PCDHA13: variants seen among roughly 807,000 people sequenced by gnomAD.
PCDHA13 encodes protocadherin alpha 13.
Under a neutral mutation model 64.8 loss-of-function variants are expected in PCDHA13, and 54 were observed. The ratio of observed to expected loss-of-function variants is 0.83; its 90% confidence interval spans 0.67 to 1.04. PCDHA13 has a LOEUF of 1.04. PCDHA13 is among the 50% of genes least tolerant of loss of function. PCDHA13 has a pLI of 0.00. For missense variants in PCDHA13, 1,248 were observed against 1,254.3 expected (o/e 0.99, Z 0.08); for synonymous variants, 587 against 564.4 (o/e 1.04, Z -0.57).
intron 1 of PCDHA13, among the ~76,000 whole-genome samples, chr5:140,946,661 G>C (rs2094005923): frequency 7.6e-6 from 1 of 132,422 alleles, no homozygotes; most frequent in Non-Finnish European, 1.6e-5. Flanking sequence ...CCATTAGAAA[G>C]AATGAAATCC....
At chr5:140,907,882 G>A (rs895415928) in intron 1 of PCDHA13, among the ~76,000 whole-genome samples, 1 of 152,168 alleles carries the variant, frequency 6.6e-6, no homozygotes, top group African/African-American at 2.4e-5. Flanking sequence ...GCACTCACAT[G>A]GGATACAAAT....
intron 1 of PCDHA13, among the ~76,000 whole-genome samples, chr5:140,922,508 C>A (rs2080871857): frequency 6.6e-6 from 1 of 152,090 alleles, no homozygotes; most frequent in African/African-American, 2.4e-5. Flanking sequence ...GCAGATGCAC[C>A]ATTATTTCAA....
At chr5:140,995,168 A>G (rs1554254492) in intron 3 of PCDHA13, among the ~76,000 whole-genome samples, 1 of 152,186 alleles carries the variant, frequency 6.6e-6, no homozygotes. Context: ...ATGTTCTTTC[A>G]TAGGTGCACC....
Position 140,883,662 on chromosome 5 carries a change from A to G in PCDHA13, c.1394A>G (p.Lys465Arg), listed in dbSNP as rs371713279. 3 of 1,613,586 alleles carry G rather than the reference A, an allele frequency of 1.9e-6. No homozygotes were observed. Among genetic ancestry groups the G allele is most frequent in the Non-Finnish European group, 2.5e-6 (3 of 1,179,852 alleles). ...FAQPEYTVFV[K>R]ENNPPGCHIF... Reference sequence around the variant, plus strand: ...CAGCCCGAGTACACGGTGTTCGTGAAGGAAAACAATCCGCCGGGCTGCCAC... The same window carrying G: ...CAGCCCGAGTACACGGTGTTCGTGAGGGAAAACAATCCGCCGGGCTGCCAC... The change falls in exon 1 of 4, where the codon AAG becomes AGG. Residue 465 changes from lysine (K) to arginine (R), a missense_variant. Coordinates refer to ENST00000289272, the MANE Select transcript of PCDHA13 (RefSeq NM_018904.3).
intron 3 of PCDHA13, among the ~76,000 whole-genome samples, chr5:140,987,959 C>T (rs1222591572): frequency 1.3e-5 from 2 of 152,132 alleles, no homozygotes; most frequent in South Asian, 2.1e-4. Context: ...AAACCAACTC[C>T]CCATGGAAAG....
At chr5:140,943,670 G>A (rs1161487572) in intron 1 of PCDHA13, among the ~76,000 whole-genome samples, 1 of 152,036 alleles carries the variant, frequency 6.6e-6, no homozygotes, top group Non-Finnish European at 1.5e-5. Flanking sequence ...TGTATAAAGT[G>A]TGAAAAAAAG....
intron 1 of PCDHA13, among the ~76,000 whole-genome samples, chr5:140,891,762 G>C (rs554912268): frequency 1.5e-3 from 234 of 152,268 alleles, no homozygotes; most frequent in African/African-American, 4.9e-3. Context: ...GTTGGGAGGT[G>C]GGGAATTTCA....
At chr5:140,926,731 G>C (rs1282301090) in intron 1 of PCDHA13, 9 of 1,104,780 alleles carry the variant, frequency 8.1e-6, no homozygotes, top group Middle Eastern at 3.2e-4. Flanking sequence ...GCCGGCGTTC[G>C]GGAGGCGCAA....
chr5:140,884,733 T>A (rs782206169), intron 1 of PCDHA13, 71 bp downstream of exon 1: 2 of 1,448,004 alleles, frequency 1.4e-6, no homozygotes, highest in African/African-American at 1.4e-5. Flanking sequence ...GTTTAAGACA[T>A]CTTTCCTGCC....
chr5:140,943,321 G>A (rs1012061757), intron 1 of PCDHA13, among the ~76,000 whole-genome samples: 4 of 150,454 alleles, frequency 2.7e-5, no homozygotes, highest in Non-Finnish European at 5.9e-5. Context: ...TAGCAATATT[G>A]TGTAGTATCC....
chr5:140,955,998 G>A (rs1194688184), intron 1 of PCDHA13, among the ~76,000 whole-genome samples: 1 of 152,174 alleles, frequency 6.6e-6, no homozygotes, highest in Non-Finnish European at 1.5e-5. Context: ...CATTGATTTT[G>A]TATCCTGAGA....
At chr5:140,885,970 A>G (rs1554182306) in intron 1 of PCDHA13, among the ~76,000 whole-genome samples, 1 of 152,122 alleles carries the variant, frequency 6.6e-6, no homozygotes, top group Non-Finnish European at 1.5e-5. Flanking sequence ...TTTTGAGATA[A>G]TTATAGATTC....
intron 1 of PCDHA13, among the ~76,000 whole-genome samples, chr5:140,905,954 C>G (rs1297429672): frequency 6.6e-6 from 1 of 152,158 alleles, no homozygotes; most frequent in Non-Finnish European, 1.5e-5. Context: ...ATCCGATGTT[C>G]AAGGGGAGGA....
At chr5:141,005,769 G>A (rs1421440870) in intron 3 of PCDHA13, among the ~76,000 whole-genome samples, 3 of 129,926 alleles carry the variant, frequency 2.3e-5, no homozygotes, top group Non-Finnish European at 4.9e-5. Context: ...AAGCAAACCA[G>A]ATGTGTAAAG....
intron 1 of PCDHA13, among the ~76,000 whole-genome samples, chr5:140,893,884 G>T (rs189719076): frequency 6.6e-6 from 1 of 152,296 alleles, no homozygotes; most frequent in Non-Finnish European, 1.5e-5. Flanking sequence ...AAAGTGGCCA[G>T]AAAGTTACTT....
At chr5:140,933,119 G>A (rs782069505) in intron 1 of PCDHA13, among the ~76,000 whole-genome samples, 1 of 151,936 alleles carries the variant, frequency 6.6e-6, no homozygotes, top group African/African-American at 2.4e-5. Context: ...AAGAAACAAA[G>A]CTAAATAATA....
chr5:140,959,085 G>A (rs1286885776), intron 1 of PCDHA13, among the ~76,000 whole-genome samples: 8 of 151,980 alleles, frequency 5.3e-5, no homozygotes, highest in African/African-American at 1.9e-4. Flanking sequence ...ATTATCCTTG[G>A]TTTCGGACAT....
chr5:141,002,273 AC>A (rs748746747), intron 3 of PCDHA13, among the ~76,000 whole-genome samples: 69 of 152,308 alleles, frequency 4.5e-4, no homozygotes, highest in Non-Finnish European at 9.1e-4. Flanking sequence ...AGAGCTGGTA[AC>A]AAAGGGATGA....
chr5:140,928,286 G>A (rs140714840), intron 1 of PCDHA13: 12 of 1,614,014 alleles, frequency 7.4e-6, no homozygotes, highest in Non-Finnish European at 9.3e-6. Flanking sequence ...GCCTCTCTAG[G>A]CCGAGTGTTT....
Sources: allele counts gnomAD v4.1 joint callset (sites outside exome capture counted in the v4.1 genomes callset), GRCh38; gene constraint gnomAD v4.1.1; transcripts MANE v1.5; gene names NCBI Gene and HGNC (gene_info 2026-07-23, HGNC 2026-07-21).